BMP5: variants seen among roughly 807,000 people sequenced by gnomAD.
BMP5 encodes bone morphogenetic protein 5.
BMP5 carries 23 observed loss-of-function variants against 46.6 expected under a neutral mutation model. The observed-to-expected ratio is 0.49, with a 90% CI of 0.35 to 0.70. BMP5 has a LOEUF of 0.70. Among genes scored for constraint, BMP5 ranks in the 30% least tolerant of loss-of-function variants. The probability of loss-of-function intolerance (pLI) is 0.00; values close to 1 mark genes in which losing one functional copy is unlikely to be tolerated. For synonymous variants in BMP5, 204 were observed against 191.9 expected (o/e 1.06, Z -0.52); for missense variants, 545 against 565.6 (o/e 0.96, Z 0.37).
At chr6:55,853,336 C>T (rs1777301495) in intron 1 of BMP5, among the ~76,000 whole-genome samples, 1 of 146,440 alleles carries the variant, frequency 6.8e-6, no homozygotes, top group African/African-American at 2.6e-5. Flanking sequence ...CTCCCCCTCC[C>T]CCGCTTTCTC....
At chr6:55,777,952 C>G (rs112178728) in intron 3 of BMP5, among the ~76,000 whole-genome samples, 3 of 151,960 alleles carry the variant, frequency 2.0e-5, no homozygotes, top group African/African-American at 7.2e-5. Flanking sequence ...GGCTTCTGAG[C>G]AGTTCCACAT....
At chr6:55,867,770 A>C (rs546064708) in intron 1 of BMP5, among the ~76,000 whole-genome samples, 2 of 152,288 alleles carry the variant, frequency 1.3e-5, no homozygotes, top group East Asian at 1.9e-4. Context: ...AGATTATCTC[A>C]ACATTCATCG....
chr6:55,772,671 G>A (rs569685374), intron 4 of BMP5: 10 of 743,168 alleles, frequency 1.3e-5, no homozygotes, highest in Admixed American at 6.3e-5. Flanking sequence ...AAAAAATAGC[G>A]TTGTAATAAG....
intron 2 of BMP5, among the ~76,000 whole-genome samples, chr6:55,816,959 A>G (rs926478092): frequency 6.6e-6 from 1 of 152,196 alleles, no homozygotes; most frequent in Non-Finnish European, 1.5e-5. Context: ...GACACTTCTC[A>G]AAAGAAGACA....
At chr6:55,775,111 A>G (rs1775144489) in intron 3 of BMP5, among the ~76,000 whole-genome samples, 2 of 151,940 alleles carry the variant, frequency 1.3e-5, no homozygotes, top group South Asian at 4.1e-4. Flanking sequence ...TGATGTGGTT[A>G]TATATCAGTG....
At chr6:55,866,509 T>G (rs184799706) in intron 1 of BMP5, among the ~76,000 whole-genome samples, 5 of 152,338 alleles carry the variant, frequency 3.3e-5, no homozygotes, top group Admixed American at 6.5e-5. Context: ...AAAAAAGCTT[T>G]AACACACAGT....
At chr6:55,861,784 T>G (rs1777531288) in intron 1 of BMP5, among the ~76,000 whole-genome samples, 1 of 152,200 alleles carries the variant, frequency 6.6e-6, no homozygotes, top group African/African-American at 2.4e-5. Flanking sequence ...TAGTGCAAAT[T>G]CAATATATAA....
At chr6:55,849,678 T>C (rs1377951378) in intron 1 of BMP5, among the ~76,000 whole-genome samples, 2 of 152,038 alleles carry the variant, frequency 1.3e-5, no homozygotes, top group African/African-American at 4.8e-5. Flanking sequence ...GAGTTTGAAT[T>C]TTATTATATG....
intron 3 of BMP5, among the ~76,000 whole-genome samples, chr6:55,785,352 G>C (rs999758526): frequency 6.6e-6 from 1 of 151,714 alleles, no homozygotes; most frequent in Admixed American, 6.6e-5. Flanking sequence ...GAGATCTCTG[G>C]TTGAACCAAG....
At chr6:55,811,045 G>T (rs1170275510) in intron 2 of BMP5, among the ~76,000 whole-genome samples, 24 of 152,180 alleles carry the variant, frequency 1.6e-4, no homozygotes, top group Admixed American at 1.6e-3. Context: ...AGCTATGCTT[G>T]TGTACCGTTC....
At chr6:55,868,290 A>AT (rs1029938354) in intron 1 of BMP5, among the ~76,000 whole-genome samples, 1 of 152,042 alleles carries the variant, frequency 6.6e-6, no homozygotes, top group Non-Finnish European at 1.5e-5. Flanking sequence ...AAAGTTGCTA[A>AT]TTTTTTTTCT....
At chr6:55,805,631 G>C (rs1775969692) in intron 2 of BMP5, among the ~76,000 whole-genome samples, 1 of 152,154 alleles carries the variant, frequency 6.6e-6, no homozygotes, top group African/African-American at 2.4e-5. Context: ...AGATCCTTGA[G>C]GAATCGGCAC....
chr6:55,819,120 A>G (rs1464896728), intron 2 of BMP5, among the ~76,000 whole-genome samples: 1 of 152,196 alleles, frequency 6.6e-6, no homozygotes, highest in Non-Finnish European at 1.5e-5. Context: ...GTTCATTTGC[A>G]GTCATTATCA....
chr6:55,838,610 G>A (rs531117816), intron 1 of BMP5, among the ~76,000 whole-genome samples: 11 of 152,016 alleles, frequency 7.2e-5, no homozygotes, highest in East Asian at 1.9e-4. Context: ...TCACTTTGTC[G>A]ATTTTTTTCC....
At chr6:55,784,632 A>G (rs1180468561) in intron 3 of BMP5, among the ~76,000 whole-genome samples, 1 of 151,770 alleles carries the variant, frequency 6.6e-6, no homozygotes, top group East Asian at 1.9e-4. Flanking sequence ...TAATTACACA[A>G]AGAGACAAAA....
At chr6:55,786,014 C>T (rs1297036184) in intron 3 of BMP5, among the ~76,000 whole-genome samples, 3 of 151,580 alleles carry the variant, frequency 2.0e-5, no homozygotes, top group Non-Finnish European at 4.4e-5. Flanking sequence ...ATATTTGATC[C>T]CTAACACAAT....
At chr6:55,839,050 C>A (rs1776890260) in intron 1 of BMP5, among the ~76,000 whole-genome samples, 1 of 151,790 alleles carries the variant, frequency 6.6e-6, no homozygotes, top group Non-Finnish European at 1.5e-5. Context: ...TTTGGAGATT[C>A]ATTCATGTTC....
chr6:55,756,454 A>G (rs1375699385), intron 6 of BMP5, among the ~76,000 whole-genome samples: 3 of 151,984 alleles, frequency 2.0e-5, no homozygotes, highest in Admixed American at 1.3e-4. Flanking sequence ...AAGGGTTGAT[A>G]ATAATTTTGA....
intron 1 of BMP5, 75 bp downstream of exon 1, chr6:55,874,301 C>T: frequency 1.3e-6 from 2 of 1,590,722 alleles, no homozygotes; most frequent in Non-Finnish European, 1.7e-6. Context: ...GACCACCTAC[C>T]AAGCAGCTCC....
Sources: allele counts gnomAD v4.1 joint callset (sites outside exome capture counted in the v4.1 genomes callset), GRCh38; gene constraint gnomAD v4.1.1; transcripts MANE v1.5; gene names NCBI Gene and HGNC (gene_info 2026-07-23, HGNC 2026-07-21).